The following RBFOX1 variants were observed in gnomAD, a reference collection of about 807,000 sequenced individuals.
RBFOX1 encodes the protein RNA binding fox-1 homolog 1, also known as RNA binding protein fox-1 homolog 1.
A neutral mutation model predicts 57.7 loss-of-function variants in RBFOX1; 8 were observed. The observed-to-expected ratio is 0.14, with a 90% CI of 0.08 to 0.25. The LOEUF (loss-of-function observed/expected upper bound fraction) is 0.25, where lower values mean the gene tolerates loss of function less well. RBFOX1 is among the 10% of genes least tolerant of loss of function. The pLI, the probability that RBFOX1 is intolerant of heterozygous loss-of-function variation, is 1.00. For synonymous variants in RBFOX1, 326 were observed against 222.4 expected, an observed-to-expected ratio of 1.47 and a Z score of -4.15; for missense variants, 611 against 548.5, an observed-to-expected ratio of 1.11 and a Z score of -1.14.
At chr16:7,659,876 C>A (rs1250046610) in intron 12 of RBFOX1, among the ~76,000 whole-genome samples, 2 of 152,074 alleles carry the variant, frequency 1.3e-5, no homozygotes, top group African/African-American at 4.8e-5. Flanking sequence ...TTCACAGATG[C>A]CTTTAATAAT....
intron 4 of RBFOX1, among the ~76,000 whole-genome samples, chr16:7,138,388 G>A (rs1009281015): frequency 6.6e-6 from 1 of 152,134 alleles, no homozygotes; most frequent in African/African-American, 2.4e-5. Flanking sequence ...TGTCACATGG[G>A]CAAGTCATGT....
At chr16:6,959,149 A>G (rs769991582) in intron 3 of RBFOX1, among the ~76,000 whole-genome samples, 1 of 152,138 alleles carries the variant, frequency 6.6e-6, no homozygotes, top group Non-Finnish European at 1.5e-5. Flanking sequence ...TTTTCAGACT[A>G]CGATGGATTG....
At chr16:6,965,624 AC>A in intron 3 of RBFOX1, among the ~76,000 whole-genome samples, 1 of 152,340 alleles carries the variant, frequency 6.6e-6, no homozygotes, top group Middle Eastern at 3.4e-3. Flanking sequence ...GGCATGAGCC[AC>A]TGCGCCTGGC....
intron 2 of RBFOX1, among the ~76,000 whole-genome samples, chr16:6,586,945 ATT>A (rs1448456709): frequency 6.6e-6 from 1 of 152,208 alleles, no homozygotes; most frequent in Non-Finnish European, 1.5e-5. Context: ...ATATATATAT[ATT>A]GTGGAATGCT....
At chr16:6,462,162 C>A (rs189566912) in intron 2 of RBFOX1, among the ~76,000 whole-genome samples, 2 of 152,152 alleles carry the variant, frequency 1.3e-5, no homozygotes, top group South Asian at 2.1e-4. Flanking sequence ...GTTTTGGAAC[C>A]GTTAACCCAA....
chr16:5,962,875 G>T (rs1338798347), intron 4 of RBFOX1, among the ~76,000 whole-genome samples: 2 of 147,948 alleles, frequency 1.4e-5, no homozygotes, highest in Non-Finnish European at 3.0e-5. Flanking sequence ...CGCCTTGAGA[G>T]AAAGAATTTC....
intron 3 of RBFOX1, among the ~76,000 whole-genome samples, chr16:5,808,385 T>C (rs1276709638): frequency 6.6e-6 from 1 of 152,236 alleles, no homozygotes; most frequent in Non-Finnish European, 1.5e-5. Context: ...TGGCTTAGGA[T>C]TGACTTGGCG....
intron 2 of RBFOX1, among the ~76,000 whole-genome samples, chr16:6,589,480 C>A (rs1009027390): frequency 6.6e-6 from 1 of 152,134 alleles, no homozygotes; most frequent in African/African-American, 2.4e-5. Flanking sequence ...GGTCCACAGA[C>A]CAGATGAGCC....
At chr16:7,083,363 A>C (rs1410985185) in intron 4 of RBFOX1, among the ~76,000 whole-genome samples, 1 of 152,020 alleles carries the variant, frequency 6.6e-6, no homozygotes, top group Non-Finnish European at 1.5e-5. Context: ...CCACATGTTC[A>C]AGCAGGTGGG....
At chr16:6,833,736 A>C (rs567643190) in intron 3 of RBFOX1, among the ~76,000 whole-genome samples, 3 of 152,190 alleles carry the variant, frequency 2.0e-5, no homozygotes, top group African/African-American at 7.2e-5. Flanking sequence ...GGAATATTAA[A>C]ACAAAAAGAA....
chr16:7,301,387 G>C (rs537330617), intron 4 of RBFOX1, among the ~76,000 whole-genome samples: 3 of 152,148 alleles, frequency 2.0e-5, no homozygotes, highest in Non-Finnish European at 2.9e-5. Flanking sequence ...ATTTTGATGT[G>C]GATTTAGGTC....
chr16:6,918,234 A>T (rs2073682737), intron 3 of RBFOX1, among the ~76,000 whole-genome samples: 1 of 151,178 alleles, frequency 6.6e-6, no homozygotes, highest in Non-Finnish European at 1.5e-5. Context: ...GTGAGCTGAG[A>T]TTGTACCATT....
chr16:7,641,213 G>A (rs191902370), intron 11 of RBFOX1, among the ~76,000 whole-genome samples: 1 of 152,266 alleles, frequency 6.6e-6, no homozygotes, highest in African/African-American at 2.4e-5. Flanking sequence ...CAACCATAGA[G>A]GTGGCTGCTG....
At chr16:5,588,292 C>G (rs74007220) in intron 2 of RBFOX1, among the ~76,000 whole-genome samples, 14,219 of 152,070 alleles carry the variant, frequency 0.094, 2,214 homozygotes, top group African/African-American at 0.32. Context: ...TCACACACAC[C>G]TGTGAACATA....
At chr16:5,478,257 A>T (rs1366886987) in intron 2 of RBFOX1, among the ~76,000 whole-genome samples, 1 of 151,714 alleles carries the variant, frequency 6.6e-6, no homozygotes, top group Non-Finnish European at 1.5e-5. Context: ...GCCGGATGAT[A>T]TTCACATTGT....
chr16:7,684,418 A>T (rs548478081), intron 14 of RBFOX1, among the ~76,000 whole-genome samples: 2 of 152,098 alleles, frequency 1.3e-5, no homozygotes, highest in Non-Finnish European at 2.9e-5. Context: ...TTTTTTTCCA[A>T]GCTAATTATT....
chr16:5,948,552 G>A (rs2059451409), intron 4 of RBFOX1, among the ~76,000 whole-genome samples: 1 of 152,184 alleles, frequency 6.6e-6, no homozygotes, highest in Non-Finnish European at 1.5e-5. Flanking sequence ...TTCATTGACT[G>A]GTCTCCTTAA....
intron 4 of RBFOX1, among the ~76,000 whole-genome samples, chr16:5,960,508 A>C (rs2059726451): frequency 1.3e-5 from 2 of 152,162 alleles, no homozygotes; most frequent in African/African-American, 4.8e-5. Flanking sequence ...CACATTCCCC[A>C]GATGTAGCTA....
chr16:5,750,867 C>G (rs2053172958), intron 3 of RBFOX1, among the ~76,000 whole-genome samples: 1 of 152,240 alleles, frequency 6.6e-6, no homozygotes, highest in African/African-American at 2.4e-5. Flanking sequence ...GCTGCATCCA[C>G]TGTCCTGTCC....
Sources: gnomAD v4.1 joint callset for allele counts (sites outside exome capture counted in the v4.1 genomes callset) on GRCh38, gnomAD v4.1.1 for gene constraint, MANE v1.5 for transcripts, NCBI Gene and HGNC (gene_info 2026-07-23, HGNC 2026-07-21) for gene names.